LRP1B: variants seen among roughly 807,000 people sequenced by gnomAD.
The protein encoded by LRP1B is low-density lipoprotein receptor-related protein 1B.
In LRP1B, 217 loss-of-function variants were observed where a neutral mutation model predicts 556.6. That is an observed-to-expected ratio of 0.39 (90% CI 0.35 to 0.44). LRP1B has a LOEUF of 0.44. Ranked by LOEUF, LRP1B falls within the 20% of genes least tolerant of loss-of-function variation. The pLI, the probability that LRP1B is intolerant of heterozygous loss-of-function variation, is 1.00. For missense variants in LRP1B, 5,053 were observed against 5,620.8 expected (o/e 0.90, Z 3.23); for synonymous variants, 2,047 against 1,865.8 (o/e 1.10, Z -2.50).
chr2:141,941,292 C>T (rs1363871960), intron 1 of LRP1B, among the ~76,000 whole-genome samples: 1 of 152,140 alleles, frequency 6.6e-6, no homozygotes, highest in African/African-American at 2.4e-5. Flanking sequence ...TTACAAGCCC[C>T]AGTAGCAAGT....
intron 59 of LRP1B, among the ~76,000 whole-genome samples, chr2:140,483,638 ATATT>A (rs1169547122): frequency 0.038 from 2,806 of 73,508 alleles, 15 homozygotes; most frequent in Non-Finnish European, 0.048. Context: ...ATATATATAT[ATATT>A]TTTTTTTTTT....
rs373548691 is a variant in LRP1B at position 142,081,128 on chromosome 2, T to G, written c.82+49520A>C. Among the ~76,000 whole-genome samples, 29 of 152,246 alleles carry G rather than the reference T, an allele frequency of 1.9e-4. No homozygotes were observed. In the East Asian group the frequency reaches 4.3e-3, roughly 22 times the overall value. ...CATGAAGTATGGAGTTAAAGAGAAG[T>G]AATAAATAAAGTTGAATGGAAATAA... On this transcript the variant is annotated intron_variant, in intron 1 of 90. Coordinates refer to ENST00000389484, the MANE Select transcript of LRP1B (RefSeq NM_018557.3).
At chr2:142,103,343 T>C (rs13400121) in intron 1 of LRP1B, among the ~76,000 whole-genome samples, 26,732 of 151,876 alleles carry the variant, frequency 0.18, 2,569 homozygotes, top group African/African-American at 0.24. Flanking sequence ...ACCAAACTGT[T>C]AACTCAATGT....
chr2:141,520,727 CA>C (rs896584470), intron 2 of LRP1B, among the ~76,000 whole-genome samples: 13 of 152,074 alleles, frequency 8.5e-5, no homozygotes, highest in Admixed American at 4.6e-4. Flanking sequence ...GCCAAACACA[CA>C]AAAAAAAGTG....
chr2:140,374,877 G>A (rs1240124272), intron 68 of LRP1B, among the ~76,000 whole-genome samples: 1 of 152,008 alleles, frequency 6.6e-6, no homozygotes, highest in Non-Finnish European at 1.5e-5. Context: ...ATGACCAATG[G>A]TACTGTTGTG....
At chr2:141,406,095 G>A (rs1690622478) in intron 3 of LRP1B, among the ~76,000 whole-genome samples, 1 of 151,986 alleles carries the variant, frequency 6.6e-6, no homozygotes, top group South Asian at 2.1e-4. Flanking sequence ...AAACTAATTT[G>A]ATCCCTAAAA....
At chr2:140,720,380 A>G (rs546152421) in intron 35 of LRP1B, among the ~76,000 whole-genome samples, 49 of 152,118 alleles carry the variant, frequency 3.2e-4, no homozygotes, top group African/African-American at 1.1e-3. Flanking sequence ...ATCTCTACAG[A>G]TATAATAAGA....
chr2:141,086,804 C>T (rs1700058370), intron 7 of LRP1B, among the ~76,000 whole-genome samples: 1 of 152,136 alleles, frequency 6.6e-6, no homozygotes, highest in Admixed American at 6.6e-5. Flanking sequence ...CATGCACAGA[C>T]ACCCTCAGAA....
chr2:140,628,901 C>T (rs1683776331), intron 41 of LRP1B, among the ~76,000 whole-genome samples: 1 of 152,076 alleles, frequency 6.6e-6, no homozygotes, highest in Non-Finnish European at 1.5e-5. Context: ...TCCTCCTGCT[C>T]CAGCCATATA....
Position 141,753,333 on chromosome 2 carries a change from G to A in LRP1B, c.205+56946C>T, listed in dbSNP as rs189261630. On this transcript the variant is annotated intron_variant, in intron 2 of 90. Coordinates refer to ENST00000389484, the MANE Select transcript of LRP1B (RefSeq NM_018557.3). ...AAACTTCAGTATCACAGCCATAGACGTTTTATTTTCCTTTGTTTTTATTTC... is the reference window on the plus strand; with the variant it reads ...AAACTTCAGTATCACAGCCATAGACATTTTATTTTCCTTTGTTTTTATTTC... 1.8e-4 allele frequency among the ~76,000 whole-genome samples: 25 copies of A among 139,790 alleles called. 2 individuals are homozygous for A. Among genetic ancestry groups the A allele is most frequent in the African/African-American group, 6.4e-4 (24 of 37,322 alleles). The allele number at this position is 139,790 out of a possible 152,430, so 91.7% of individuals were successfully genotyped here.
intron 11 of LRP1B, among the ~76,000 whole-genome samples, chr2:141,027,846 C>T (rs1367384417): frequency 6.6e-6 from 1 of 152,010 alleles, no homozygotes; most frequent in Non-Finnish European, 1.5e-5. Context: ...CTCTCTAATC[C>T]TTTTTCCTTC....
intron 32 of LRP1B, among the ~76,000 whole-genome samples, chr2:140,783,989 C>T (rs928693732): frequency 2.0e-5 from 3 of 151,968 alleles, no homozygotes; most frequent in African/African-American, 7.3e-5. Context: ...AGGGTGGGGC[C>T]CAACAATTTG....
chr2:140,341,816 A>G (rs1681406525), intron 77 of LRP1B, among the ~76,000 whole-genome samples: 1 of 151,410 alleles, frequency 6.6e-6, no homozygotes, highest in South Asian at 2.1e-4. Context: ...CCAGCAGAAT[A>G]ATTTACTTAG....
chr2:141,043,626 G>T (rs1480077974), intron 11 of LRP1B, among the ~76,000 whole-genome samples: 7 of 151,894 alleles, frequency 4.6e-5, no homozygotes, highest in East Asian at 3.9e-4. Flanking sequence ...AATATGAAAT[G>T]ATATGAAAGG....
chr2:141,884,788 G>C (rs577516674), intron 1 of LRP1B, among the ~76,000 whole-genome samples: 1 of 152,282 alleles, frequency 6.6e-6, no homozygotes, highest in African/African-American at 2.4e-5. Context: ...CCTACATTCT[G>C]TTTGCAGCCT....
At chr2:141,627,639 C>T (rs1427923357) in intron 2 of LRP1B, among the ~76,000 whole-genome samples, 5 of 152,086 alleles carry the variant, frequency 3.3e-5, no homozygotes, top group Non-Finnish European at 7.4e-5. Context: ...AAATATAATG[C>T]GTTTGGATCA....
At chr2:141,043,126 G>A (rs1448141439) in intron 11 of LRP1B, among the ~76,000 whole-genome samples, 3 of 151,116 alleles carry the variant, frequency 2.0e-5, no homozygotes, top group African/African-American at 7.3e-5. Flanking sequence ...TCACTTGAGT[G>A]CAGGAGGAGG....
rs553524776 is a variant in LRP1B, at chr2:140,633,610, CA to C, written c.6800-31972del. Among the ~76,000 whole-genome samples the C allele has an allele frequency of 2.5e-3, 384 of 152,108 alleles. 2 individuals carry two copies. Among genetic ancestry groups the C allele is most frequent in the African/African-American group, 9.0e-3 (373 of 41,506 alleles). On this transcript the variant is annotated intron_variant, in intron 41 of 90. Coordinates refer to ENST00000389484, the MANE Select transcript of LRP1B (RefSeq NM_018557.3). ...ATTTTTTTAAAGAGACAAGAAGACA[CA>C]AATTACTTGATATTAGAAATCAAGT...
At chr2:140,412,371 G>A (rs1685000854) in intron 66 of LRP1B, among the ~76,000 whole-genome samples, 1 of 152,054 alleles carries the variant, frequency 6.6e-6, no homozygotes, top group East Asian at 1.9e-4. Flanking sequence ...GCTCATCAGA[G>A]AAGAGGAAAA....
Sources: gnomAD v4.1 joint callset for allele counts (sites outside exome capture counted in the v4.1 genomes callset) on GRCh38, gnomAD v4.1.1 for gene constraint, MANE v1.5 for transcripts, NCBI Gene and HGNC (gene_info 2026-07-23, HGNC 2026-07-21) for gene names.